Variants in SFSWAP observed in about 807,000 individuals in gnomAD.
SFSWAP encodes splicing factor SWAP.
A neutral mutation model predicts 100.7 loss-of-function variants in SFSWAP; 17 were observed. That is an observed-to-expected ratio of 0.17 (90% CI 0.12 to 0.25). SFSWAP has a LOEUF of 0.25. Among genes scored for constraint, SFSWAP ranks in the 10% least tolerant of loss-of-function variants. SFSWAP has a pLI of 1.00. For synonymous variants in SFSWAP, 504 were observed against 510.1 expected, an observed-to-expected ratio of 0.99 and a Z score of 0.16; for missense variants, 1,005 against 1,262.6, an observed-to-expected ratio of 0.80 and a Z score of 3.09.
rs778915957 is a variant in SFSWAP, at chr12:131,766,071, A to C, written c.1952-47A>C. 6.4e-6 allele frequency: 10 copies of C among 1,552,040 alleles called. No individual in the cohort carries two copies. The East Asian group carries it at 2.2e-4, about 35-fold the overall frequency. ...CCTGTGAAAATTAAGATCAGATAAAATACTGTTTGCTCTAAACTTCTCTTT... is the reference window on the plus strand; with the variant it reads ...CCTGTGAAAATTAAGATCAGATAAACTACTGTTTGCTCTAAACTTCTCTTT... On this transcript the variant is annotated intron_variant, in intron 12 of 17. Coordinates refer to ENST00000261674, the MANE Select transcript of SFSWAP (RefSeq NM_004592.4).
intron 7 of SFSWAP, among the ~76,000 whole-genome samples, chr12:131,745,504 C>T (rs1011186677): frequency 6.6e-6 from 1 of 152,182 alleles, no homozygotes; most frequent in Admixed American, 6.5e-5. Flanking sequence ...AGGCACTTTC[C>T]TCATTCTTGA....
chr12:131,795,635 G>A (rs1418775711), intron 15 of SFSWAP, among the ~76,000 whole-genome samples: 1 of 151,994 alleles, frequency 6.6e-6, no homozygotes, highest in African/African-American at 2.4e-5. Context: ...CCCTGATGAG[G>A]GGCAGGGCTT....
intron 13 of SFSWAP, among the ~76,000 whole-genome samples, chr12:131,771,788 A>G (rs1007613205): frequency 6.7e-6 from 1 of 150,180 alleles, no homozygotes. Context: ...TCAGCCTCCC[A>G]AGTAGCTGGG....
At chr12:131,721,968 G>A (rs1307659142) in intron 4 of SFSWAP, among the ~76,000 whole-genome samples, 3 of 152,178 alleles carry the variant, frequency 2.0e-5, no homozygotes, top group Non-Finnish European at 1.5e-5. Context: ...GTAATTCATT[G>A]TGTAAATTAT....
chr12:131,718,968 T>C (rs903423666), intron 3 of SFSWAP, among the ~76,000 whole-genome samples: 1 of 152,162 alleles, frequency 6.6e-6, no homozygotes, highest in Non-Finnish European at 1.5e-5. Flanking sequence ...GGAGTTTAAC[T>C]ACAGTTAACC....
At chr12:131,775,302 C>T (rs1203183614) in intron 13 of SFSWAP, among the ~76,000 whole-genome samples, 1 of 152,178 alleles carries the variant, frequency 6.6e-6, no homozygotes, top group African/African-American at 2.4e-5. Flanking sequence ...TCAGCTCTCT[C>T]TTTGTTTTCC....
Position 131,766,268 on chromosome 12 carries a change from C to A in SFSWAP, c.2102C>A (p.Ala701Glu), listed in dbSNP as rs1416131658. ...LQTLKNPLPE[A>E]EAGKIEESPF... ...ACCCTCAAAAATCCTCTGCCGGAAG[C>A]AGAAGCTGGGAAAATTGAGGAGAGT... Residue 701 changes from alanine to glutamate, a missense_variant, in exon 13 of 18, where the codon GCA (alanine) becomes GAA (glutamate). Transcript: ENST00000261674. The A allele has an allele frequency of 6.2e-7, 1 of 1,614,036 alleles. No homozygotes were observed. The highest frequency in any genetic ancestry group is 8.5e-7 in the Non-Finnish European group (1 of 1,180,046).
chr12:131,713,197 G>T (rs979507418), intron 1 of SFSWAP: 1 of 152,064 alleles, frequency 6.6e-6, no homozygotes, highest in Non-Finnish European at 1.5e-5. Context: ...TTTAAGTAAA[G>T]TTCACTAACT....
chr12:131,775,810 C>G (rs1263713129), intron 13 of SFSWAP, among the ~76,000 whole-genome samples: 1 of 151,976 alleles, frequency 6.6e-6, no homozygotes, highest in Non-Finnish European at 1.5e-5. Context: ...AATATTTTAG[C>G]TGGGCACGGT....
In SFSWAP at chr12:131,778,429, G is replaced by C. The variant is rs1035125630; in HGVS notation, c.2408+99G>C. The C allele has an allele frequency of 2.0e-5, 31 of 1,519,572 alleles. No homozygotes were observed. Among genetic ancestry groups the C allele is most frequent in the Non-Finnish European group, 2.6e-5 (30 of 1,135,874 alleles). The allele number at this position is 1,519,572 out of a possible 1,614,324, so 94.1% of individuals were successfully genotyped here. ...AGGTAGAACGTTTAAAATCAGTGCC[G>C]CTTTCATTAAGCAGACGCGTGTATG... On this transcript the variant is annotated intron_variant, in intron 14 of 17. Transcript: ENST00000261674. The surrounding 1 kb of genome is among the most constrained non-coding windows in gnomAD (Gnocchi z 4.2).
rs1301468784 is a variant in SFSWAP, at chr12:131,756,501, C to A, written c.1577C>A (p.Thr526Lys). ...GTGTCTGCACCAGAAGAGGCTCCCA[C>A]AGACTCTGCTCCCGAGAAGCCAAGT... ...QAVSAPEEAP[T>K]DSAPEKPSDA... Residue 526 changes from threonine to lysine, a missense_variant, in exon 11 of 18, where the codon ACA (threonine) becomes AAA (lysine). By Grantham distance (78) the Thr-to-Lys change is moderately conservative (BLOSUM62 -1). Transcript: ENST00000261674. The A allele has an allele frequency of 5.0e-6, 8 of 1,613,988 alleles. No individual in the cohort carries two copies. In the African/African-American group the frequency reaches 6.7e-5, roughly 13 times the overall value.
At chr12:131,746,996 C>T (rs1000043878) in intron 7 of SFSWAP, among the ~76,000 whole-genome samples, 8 of 150,854 alleles carry the variant, frequency 5.3e-5, no homozygotes, top group African/African-American at 2.0e-4. Flanking sequence ...CCCAGCTACT[C>T]GGGAGGCTGA....
At chr12:131,785,362 G>A (rs574503455) in intron 14 of SFSWAP, 28 of 715,982 alleles carry the variant, frequency 3.9e-5, no homozygotes, top group Middle Eastern at 5.0e-4. Flanking sequence ...GAGTGATCCC[G>A]AGCTGATCTG....
chr12:131,799,275 C>G, intron 17 of SFSWAP, 148 bp from the exon 18 acceptor site: 1 of 1,022,686 alleles, frequency 9.8e-7, no homozygotes, highest in South Asian at 1.3e-5. Flanking sequence ...GCCGTGTGGC[C>G]CGCACCCTGC....
chr12:131,785,563 CT>C (rs1292280614), intron 14 of SFSWAP: 1 of 213,286 alleles, frequency 4.7e-6, no homozygotes, highest in African/African-American at 2.3e-5. Context: ...AAAATAGTAG[CT>C]TTACTGAATG....
chr12:131,770,740 A>G (rs1883518860), intron 13 of SFSWAP, among the ~76,000 whole-genome samples: 1 of 152,134 alleles, frequency 6.6e-6, no homozygotes, highest in South Asian at 2.1e-4. Flanking sequence ...TGTGCAGTTT[A>G]TGCTGGCATT....
At position 131,711,108 on chromosome 12, in the gene SFSWAP, G is replaced by C. The variant is rs1290311490; in HGVS notation, c.-122G>C. The C allele has an allele frequency of 5.0e-5, 38 of 763,432 alleles. No individual in the cohort carries two copies. Among genetic ancestry groups the C allele is most frequent in the Non-Finnish European group, 6.9e-5 (34 of 490,162 alleles). The allele number at this position is 763,432 out of a possible 1,614,324, so 47.3% of individuals were successfully genotyped here. A position where few individuals can be genotyped will look rare whatever the true frequency, so the allele number is the denominator to read the frequency against. ...CTCCACCATTTTGTGGCCCGCTATG[G>C]CGGCGGTGTTGAGGTTGGGTACGGG... On this transcript the variant is annotated 5_prime_UTR_variant, in exon 1 of 18. Transcript: ENST00000261674. The surrounding 1 kb of genome is among the most constrained non-coding windows in gnomAD (Gnocchi z 4.9).
chr12:131,741,644 C>CA (rs543737279), intron 7 of SFSWAP, among the ~76,000 whole-genome samples: 5,731 of 68,518 alleles, frequency 0.084, 151 homozygotes, highest in Middle Eastern at 0.13. Context: ...AGACTCTGTC[C>CA]AAAAAAAAAA....
intron 9 of SFSWAP, 48 bp from the exon 10 acceptor site, chr12:131,755,338 G>T: frequency 7.4e-7 from 1 of 1,345,252 alleles, no homozygotes; most frequent in Non-Finnish European, 1.1e-6. Context: ...TGTTACTTCA[G>T]TGAGCTTGTC....
Sources: gnomAD v4.1 joint callset for allele counts (sites outside exome capture counted in the v4.1 genomes callset) on GRCh38, gnomAD v4.1.1 for gene constraint, Gnocchi (gnomAD v3.1) non-coding constraint, MANE v1.5 for transcripts, NCBI Gene and HGNC (gene_info 2026-07-23, HGNC 2026-07-21) for gene names.